The following KCNAB1 variants were observed in gnomAD, a reference collection of about 807,000 sequenced individuals.
KCNAB1 encodes the protein voltage-gated potassium channel subunit beta-1.
KCNAB1 carries 35 observed loss-of-function variants against 64.6 expected under a neutral mutation model. The ratio of observed to expected loss-of-function variants is 0.54; its 90% confidence interval spans 0.41 to 0.72. KCNAB1 has a LOEUF of 0.72. Ranked by LOEUF, KCNAB1 falls within the 30% of genes least tolerant of loss-of-function variation. KCNAB1 has a pLI of 0.00. For missense variants in KCNAB1, 401 were observed against 512.9 expected, an observed-to-expected ratio of 0.78 and a Z score of 2.11; for synonymous variants, 177 against 183.8, an observed-to-expected ratio of 0.96 and a Z score of 0.30.
intron 1 of KCNAB1, among the ~76,000 whole-genome samples, chr3:156,181,146 C>G (rs1440425631): frequency 1.3e-5 from 2 of 152,144 alleles, no homozygotes; most frequent in Non-Finnish European, 2.9e-5. Flanking sequence ...ATTTAATTAC[C>G]TCTTTAAAGG....
rs116968996 is a variant in KCNAB1, at chr3:156,372,019, G to A, written c.276-49597G>A. Among the ~76,000 whole-genome samples the A allele has an allele frequency of 1.1e-3, 167 of 152,152 alleles. 1 individual carries two copies. The East Asian group carries it at 0.018, about 17-fold the overall frequency. ...TATAAGCAAATAGTCATCAGCCGTC[G>A]CCCGAGACCACATGTGCAGTTACAG... On this transcript the variant is annotated intron_variant, in intron 1 of 13. Coordinates refer to ENST00000490337, the MANE Select transcript of KCNAB1 (RefSeq NM_172160.3).
rs557809932 is a variant in KCNAB1, at chr3:156,339,921, C to T, written c.276-81695C>T. Among the ~76,000 whole-genome samples the T allele has an allele frequency of 3.9e-5, 6 of 152,282 alleles. No homozygotes were observed. The East Asian group carries it at 9.6e-4, about 24-fold the overall frequency. The stretch of plus-strand genomic sequence containing the variant: ...TTCCTTGTCTTTTCTGTCACATTTC[C>T]GTGTCTGTCCTCTTGCCCATGATGG... On this transcript the variant is annotated intron_variant, in intron 1 of 13. Transcript: ENST00000490337.
chr3:156,233,398 A>T (rs1716649550), intron 1 of KCNAB1, among the ~76,000 whole-genome samples: 1 of 152,178 alleles, frequency 6.6e-6, no homozygotes, highest in Non-Finnish European at 1.5e-5. Flanking sequence ...AGCCACACAG[A>T]GGTCTTTGGA....
At chr3:156,160,266 T>A (rs1379481747) in intron 1 of KCNAB1, among the ~76,000 whole-genome samples, 1 of 152,218 alleles carries the variant, frequency 6.6e-6, no homozygotes, top group Non-Finnish European at 1.5e-5. Flanking sequence ...TCTTGCTAGG[T>A]GAGTGACTAT....
chr3:156,287,200 T>C (rs1720142135), intron 1 of KCNAB1, among the ~76,000 whole-genome samples: 1 of 152,128 alleles, frequency 6.6e-6, no homozygotes, highest in Non-Finnish European at 1.5e-5. Context: ...GATCTGTTCC[T>C]AACCAGTTCT....
At chr3:156,172,609 G>A (rs1712075561) in intron 1 of KCNAB1, among the ~76,000 whole-genome samples, 1 of 152,206 alleles carries the variant, frequency 6.6e-6, no homozygotes. Flanking sequence ...AAGGGAATGA[G>A]GATGGTGACA....
At chr3:156,527,997 C>A (rs1265634345) in intron 12 of KCNAB1, among the ~76,000 whole-genome samples, 2 of 152,180 alleles carry the variant, frequency 1.3e-5, no homozygotes, top group Non-Finnish European at 2.9e-5. Context: ...ATGGAAGTAA[C>A]CAGCTCTGCC....
chr3:156,391,948 A>T (rs576145425), intron 1 of KCNAB1, among the ~76,000 whole-genome samples: 1 of 152,192 alleles, frequency 6.6e-6, no homozygotes, highest in Non-Finnish European at 1.5e-5. Flanking sequence ...AAATGTTTTG[A>T]TCTCCAGAAA....
intron 4 of KCNAB1, among the ~76,000 whole-genome samples, chr3:156,458,397 C>T (rs1712621958): frequency 6.6e-6 from 1 of 152,204 alleles, no homozygotes; most frequent in South Asian, 2.1e-4. Flanking sequence ...AATAGCTGCC[C>T]AGCTGTTTGA....
At chr3:156,221,811 A>G (rs888532099) in intron 1 of KCNAB1, among the ~76,000 whole-genome samples, 2 of 148,596 alleles carry the variant, frequency 1.3e-5, no homozygotes, top group Non-Finnish European at 3.0e-5. Flanking sequence ...GTGTCCAGCA[A>G]AACTACGCTT....
chr3:156,449,396 G>A (rs1279638383), intron 2 of KCNAB1, among the ~76,000 whole-genome samples: 7 of 152,012 alleles, frequency 4.6e-5, no homozygotes, highest in East Asian at 1.9e-4. Flanking sequence ...TTTTGGAGTC[G>A]AGCCTAAACA....
intron 1 of KCNAB1, among the ~76,000 whole-genome samples, chr3:156,360,310 C>A (rs1471383720): frequency 1.3e-5 from 2 of 152,162 alleles, no homozygotes; most frequent in Non-Finnish European, 2.9e-5. Context: ...ATATCCAAAA[C>A]CAAACTCCTA....
intron 1 of KCNAB1, among the ~76,000 whole-genome samples, chr3:156,234,816 C>A (rs1716756132): frequency 6.6e-6 from 1 of 152,090 alleles, no homozygotes; most frequent in Non-Finnish European, 1.5e-5. Context: ...AATGTTTCTC[C>A]CTGAAAATAG....
chr3:156,526,596 A>G (rs2108415556), intron 12 of KCNAB1, among the ~76,000 whole-genome samples: 1 of 152,336 alleles, frequency 6.6e-6, no homozygotes. Flanking sequence ...AAGGCTACAC[A>G]CTGGGCAGAA....
At chr3:156,129,053 C>T (rs1577613448) in intron 1 of KCNAB1, among the ~76,000 whole-genome samples, 3 of 151,954 alleles carry the variant, frequency 2.0e-5, no homozygotes, top group African/African-American at 4.8e-5. Flanking sequence ...CTTTTATAGT[C>T]GTTCTGTTTA....
intron 1 of KCNAB1, among the ~76,000 whole-genome samples, chr3:156,152,006 C>T (rs1242018734): frequency 3.3e-5 from 5 of 152,148 alleles, no homozygotes; most frequent in Non-Finnish European, 7.4e-5. Context: ...TGGGAGGTGG[C>T]GCTGTGGTGC....
At chr3:156,412,115 C>T (rs1220456308) in intron 1 of KCNAB1, among the ~76,000 whole-genome samples, 1 of 152,014 alleles carries the variant, frequency 6.6e-6, no homozygotes, top group Non-Finnish European at 1.5e-5. Context: ...AATTTATAAA[C>T]AAATACTTCA....
In KCNAB1 at chr3:156,302,731, T is replaced by A. The variant is rs560946860; in HGVS notation, c.276-118885T>A. 2.0e-5 allele frequency among the ~76,000 whole-genome samples: 3 copies of A among 152,044 alleles called. No homozygotes were observed. The East Asian group carries it at 5.8e-4, about 29-fold the overall frequency. On this transcript the variant is annotated intron_variant, in intron 1 of 13. Coordinates refer to ENST00000490337, the MANE Select transcript of KCNAB1 (RefSeq NM_172160.3). ...GCCCCTCACTAACACCTACGAGGAG[T>A]ATCTCTTTTTTCTTTTTTTGCTACC...
intron 1 of KCNAB1, among the ~76,000 whole-genome samples, chr3:156,274,973 G>A (rs775474451): frequency 2.0e-5 from 3 of 152,084 alleles, no homozygotes; most frequent in Admixed American, 1.3e-4. Context: ...AGAACTTAGC[G>A]ATCTTGCGTA....
Sources: gnomAD v4.1 joint callset for allele counts (sites outside exome capture counted in the v4.1 genomes callset) on GRCh38, gnomAD v4.1.1 for gene constraint, MANE v1.5 for transcripts, NCBI Gene and HGNC (gene_info 2026-07-23, HGNC 2026-07-21) for gene names.